The following PPM1H variants were observed in gnomAD, a reference collection of about 807,000 sequenced individuals.
PPM1H encodes protein phosphatase, Mg2+/Mn2+ dependent 1H.
Under a neutral mutation model 54.9 loss-of-function variants are expected in PPM1H, and 27 were observed. The ratio of observed to expected loss-of-function variants is 0.49; its 90% CI spans 0.36 to 0.68. The LOEUF is 0.68. PPM1H is among the 30% of genes least tolerant of loss of function. The probability of loss-of-function intolerance (pLI) is 0.00; values close to 1 mark genes in which losing one functional copy is unlikely to be tolerated. For missense variants in PPM1H, 596 were observed against 667.8 expected (o/e 0.89, Z 1.19); for synonymous variants, 305 against 270.8 (o/e 1.13, Z -1.24).
In PPM1H at chr12:62,801,903, G is replaced by A; in HGVS notation, c.669C>T (p.Ser223=). 1.2e-6 allele frequency: 2 copies of A among 1,613,716 alleles called. No individual in the cohort carries two copies. Among genetic ancestry groups the A allele is most frequent in the Non-Finnish European group, 1.7e-6 (2 of 1,179,752 alleles). The change falls in exon 3 of 10, where the codon AGC becomes AGT. Residue 223 remains serine (S), a synonymous_variant. Transcript: ENST00000228705. The stretch of plus-strand genomic sequence containing the variant: ...CGGTAAAGAAGCGTGTGGGGGGCGT[G>A]CTGGGGGAGCCCGGGGCCCCCACCC... ...RGGVGAPGSP[S]TPPTRFFTEK...
At chr12:62,780,488 T>C (rs953273164) in intron 4 of PPM1H, among the ~76,000 whole-genome samples, 2 of 152,206 alleles carry the variant, frequency 1.3e-5, no homozygotes, top group East Asian at 1.9e-4. Context: ...AATTTGTTAA[T>C]AGAGACAAGG....
At chr12:62,884,826 A>G (rs370552545) in intron 1 of PPM1H, among the ~76,000 whole-genome samples, 52 of 152,334 alleles carry the variant, frequency 3.4e-4, no homozygotes, top group African/African-American at 1.2e-3. Flanking sequence ...AGGTGTCGGC[A>G]CATCAAGGTT....
chr12:62,780,340 C>A (rs188093445), intron 4 of PPM1H, among the ~76,000 whole-genome samples: 1 of 152,316 alleles, frequency 6.6e-6, no homozygotes, highest in African/African-American at 2.4e-5. Context: ...CTCACTCTGT[C>A]ACCCAGGCTA....
chr12:62,740,705 A>G (rs916579189), intron 4 of PPM1H, among the ~76,000 whole-genome samples: 2 of 152,232 alleles, frequency 1.3e-5, no homozygotes, highest in Admixed American at 1.3e-4. Context: ...ACACGGTGCC[A>G]GGCCATTGTA....
In PPM1H at chr12:62,648,062, G is replaced by C. The variant is rs923369450; in HGVS notation, c.*427C>G. ...AGGTGGGCACTTACTTACATTTTGAGGCATGACCCCCTACTTTCCAATGCA... is the reference window on the plus strand; with the variant it reads ...AGGTGGGCACTTACTTACATTTTGACGCATGACCCCCTACTTTCCAATGCA... On this transcript the variant is annotated 3_prime_UTR_variant, in exon 10 of 10. Transcript: ENST00000228705. 11 of 154,056 alleles carry C rather than the reference G, an allele frequency of 7.1e-5. No individual in the cohort carries two copies. Among genetic ancestry groups the C allele is most frequent in the African/African-American group, 2.7e-4 (11 of 41,478 alleles). The allele number at this position is 154,056 out of a possible 1,614,324, so 9.5% of individuals were successfully genotyped here. A position where few individuals can be genotyped will look rare whatever the true frequency, so the allele number is the denominator to read the frequency against.
intron 3 of PPM1H, among the ~76,000 whole-genome samples, chr12:62,798,513 G>A (rs547399791): frequency 2.6e-5 from 4 of 152,248 alleles, no homozygotes; most frequent in South Asian, 2.1e-4. Flanking sequence ...GCAAAGCCCC[G>A]GTAAGCTGTA....
chr12:62,911,692 T>C (rs182519103), intron 1 of PPM1H, among the ~76,000 whole-genome samples: 1 of 152,380 alleles, frequency 6.6e-6, no homozygotes, highest in Admixed American at 6.5e-5. Flanking sequence ...CTGTGCACTC[T>C]GCAAGGGCAG....
At chr12:62,767,524 A>G (rs1450683412) in intron 4 of PPM1H, among the ~76,000 whole-genome samples, 1 of 152,212 alleles carries the variant, frequency 6.6e-6, no homozygotes, top group East Asian at 1.9e-4. Flanking sequence ...TTCACACATG[A>G]AATACAAGGT....
chr12:62,781,861 T>C (rs968209606), intron 4 of PPM1H, among the ~76,000 whole-genome samples: 4 of 152,212 alleles, frequency 2.6e-5, no homozygotes, highest in African/African-American at 9.6e-5. Flanking sequence ...TGTGATCATT[T>C]GGTAGCATTA....
intron 5 of PPM1H, among the ~76,000 whole-genome samples, chr12:62,725,614 A>G (rs1306952735): frequency 6.6e-6 from 1 of 152,186 alleles, no homozygotes; most frequent in South Asian, 2.1e-4. Flanking sequence ...TCAATTTCTC[A>G]TAAAGTCTCC....
chr12:62,664,734 T>C (rs61919537), intron 9 of PPM1H, among the ~76,000 whole-genome samples: 14,533 of 152,226 alleles, frequency 0.095, 817 homozygotes, highest in East Asian at 0.14. Context: ...ATATTTCCTG[T>C]GGGATCATTT....
intron 1 of PPM1H, among the ~76,000 whole-genome samples, chr12:62,873,015 C>T (rs1222200817): frequency 6.6e-6 from 1 of 152,124 alleles, no homozygotes; most frequent in Non-Finnish European, 1.5e-5. Flanking sequence ...AAAAATACTA[C>T]TTTTTTAATT....
intron 2 of PPM1H, among the ~76,000 whole-genome samples, chr12:62,829,940 CT>C (rs1359701269): frequency 2.0e-5 from 3 of 152,236 alleles, no homozygotes; most frequent in Non-Finnish European, 4.4e-5. Context: ...ACTGGCGCCC[CT>C]ATTCAATGAT....
intron 1 of PPM1H, among the ~76,000 whole-genome samples, chr12:62,932,628 CTTTT>C (rs61003358): frequency 7.4e-5 from 4 of 54,006 alleles, no homozygotes; most frequent in South Asian, 1.2e-3. Flanking sequence ...TCCAAATGGG[CTTTT>C]TTTTTTTTTT....
intron 2 of PPM1H, among the ~76,000 whole-genome samples, chr12:62,814,596 C>T (rs2076854657): frequency 6.6e-6 from 1 of 152,182 alleles, no homozygotes; most frequent in South Asian, 2.1e-4. Flanking sequence ...TGGTATCCTC[C>T]TGGTAGCATT....
intron 6 of PPM1H, among the ~76,000 whole-genome samples, chr12:62,713,635 T>C (rs898369840): frequency 6.6e-6 from 1 of 152,122 alleles, no homozygotes; most frequent in Non-Finnish European, 1.5e-5. Flanking sequence ...GGCTACACCA[T>C]TCCCTGTCCA....
chr12:62,696,960 C>T (rs1164296311), intron 6 of PPM1H, among the ~76,000 whole-genome samples: 13 of 152,130 alleles, frequency 8.5e-5, no homozygotes, highest in Non-Finnish European at 1.5e-5. Flanking sequence ...CTTCGGGTGA[C>T]CAGCTGATAT....
chr12:62,869,163 T>C (rs1426092864), intron 1 of PPM1H, among the ~76,000 whole-genome samples: 1 of 152,226 alleles, frequency 6.6e-6, no homozygotes, highest in Non-Finnish European at 1.5e-5. Flanking sequence ...TAAAGGTACA[T>C]TGCAATGAAA....
At chr12:62,817,330 C>G (rs559800025) in intron 2 of PPM1H, among the ~76,000 whole-genome samples, 1 of 151,086 alleles carries the variant, frequency 6.6e-6, no homozygotes, top group South Asian at 2.1e-4. Context: ...GGCGTGGTGG[C>G]GGGCGCCTGT....
Sources: gnomAD v4.1 joint callset for allele counts (sites outside exome capture counted in the v4.1 genomes callset) on GRCh38, gnomAD v4.1.1 for gene constraint, MANE v1.5 for transcripts, NCBI Gene and HGNC (gene_info 2026-07-23, HGNC 2026-07-21) for gene names.